SMAD5: variants seen among roughly 807,000 people sequenced by gnomAD.
SMAD5 encodes the protein SMAD family member 5.
A neutral mutation model predicts 43.1 loss-of-function variants in SMAD5; 9 were observed. The ratio of observed to expected loss-of-function variants is 0.21; its 90% CI spans 0.13 to 0.36. SMAD5 has a LOEUF of 0.36. Among genes scored for constraint, SMAD5 ranks in the 10% least tolerant of loss-of-function variants. The probability of loss-of-function intolerance (pLI) is 1.00; values close to 1 mark genes in which losing one functional copy is unlikely to be tolerated. For synonymous variants in SMAD5, 190 were observed against 192.4 expected, an observed-to-expected ratio of 0.99 and a Z score of 0.10; for missense variants, 348 against 574.0, an observed-to-expected ratio of 0.61 and a Z score of 4.02.
chr5:136,149,686 C>T (rs1390562590), intron 2 of SMAD5, among the ~76,000 whole-genome samples: 1 of 151,750 alleles, frequency 6.6e-6, no homozygotes, highest in Non-Finnish European at 1.5e-5. Context: ...GAATTTTTCT[C>T]CTTTTGTAAT....
chr5:136,178,116 C>T lies in SMAD5; in HGVS notation c.*636C>T, dbSNP rs1319309391. ...ATAAGTGTTCTTCAGTGTAATGTGACTTCATGCTATATATCTTTTGTAAGA... is the reference window on the plus strand; with the variant it reads ...ATAAGTGTTCTTCAGTGTAATGTGATTTCATGCTATATATCTTTTGTAAGA... On this transcript the variant is annotated 3_prime_UTR_variant, in exon 8 of 8. Transcript: ENST00000545279. 2 of 152,548 alleles carry T rather than the reference C, an allele frequency of 1.3e-5. No individual in the cohort carries two copies. The highest frequency in any genetic ancestry group is 2.4e-5 in the African/African-American group (1 of 41,414). 9.4% of individuals were successfully genotyped at this position (152,548 alleles called of 1,614,324 possible).
At chr5:136,166,369 T>C (rs547721600) in intron 5 of SMAD5, among the ~76,000 whole-genome samples, 7 of 152,290 alleles carry the variant, frequency 4.6e-5, no homozygotes, top group Non-Finnish European at 7.4e-5. Flanking sequence ...ATGTGTGTTA[T>C]ATTGAGTGCT....
At chr5:136,134,899 A>G (rs961179953) in intron 1 of SMAD5, 1 of 152,240 alleles carries the variant, frequency 6.6e-6, no homozygotes, top group South Asian at 2.1e-4. Flanking sequence ...CATAGCTGAA[A>G]TAAGCAAGAA....
At chr5:136,163,519 G>T in intron 5 of SMAD5, 128 bp downstream of exon 5, 2 of 659,878 alleles carry the variant, frequency 3.0e-6, no homozygotes, top group Non-Finnish European at 4.7e-6. Context: ...TTAAGTGTAT[G>T]ATTCAAAGAT....
intron 3 of SMAD5, 47 bp downstream of exon 3, chr5:136,154,210 CCT>C (rs1753559645): frequency 2.4e-6 from 3 of 1,232,340 alleles, no homozygotes; most frequent in African/African-American, 3.1e-5. Context: ...AAACAAAAAA[CCT>C]CTCTTCCTGA....
intron 6 of SMAD5, chr5:136,172,888 C>CTT (rs752365556): frequency 1.9e-6 from 1 of 512,908 alleles, no homozygotes; most frequent in Non-Finnish European, 3.5e-6. Flanking sequence ...CATACTACCA[C>CTT]TTTGTTTTTT....
At chr5:136,148,968 C>A (rs1209680914) in intron 2 of SMAD5, among the ~76,000 whole-genome samples, 1 of 151,844 alleles carries the variant, frequency 6.6e-6, no homozygotes, top group African/African-American at 2.4e-5. Flanking sequence ...ATATGGTATA[C>A]ATCCATGTCA....
At chr5:136,142,735 C>T (rs1223855486) in intron 1 of SMAD5, among the ~76,000 whole-genome samples, 1 of 152,068 alleles carries the variant, frequency 6.6e-6, no homozygotes, top group African/African-American at 2.4e-5. Flanking sequence ...CAATTATTGG[C>T]TCTCTGTGCT....
chr5:136,135,157 G>C (rs1394160061), intron 1 of SMAD5, among the ~76,000 whole-genome samples: 4 of 152,342 alleles, frequency 2.6e-5, no homozygotes, highest in African/African-American at 7.2e-5. Context: ...ATTAATTTCA[G>C]TGGGAGACAG....
chr5:136,153,083 A>C (rs1345327011), intron 2 of SMAD5, among the ~76,000 whole-genome samples: 1 of 152,132 alleles, frequency 6.6e-6, no homozygotes, highest in Non-Finnish European at 1.5e-5. Context: ...TTTGCATCTA[A>C]TAATGTGACT....
chr5:136,136,491 A>G (rs1008299543), intron 1 of SMAD5, among the ~76,000 whole-genome samples: 2 of 152,136 alleles, frequency 1.3e-5, no homozygotes, highest in Admixed American at 1.3e-4. Context: ...CATACCCTTT[A>G]CCTCTAATCA....
At chr5:136,170,264 A>G (rs10078982) in intron 5 of SMAD5, among the ~76,000 whole-genome samples, 54,266 of 151,988 alleles carry the variant, frequency 0.36, 10,571 homozygotes, top group African/African-American at 0.53. Context: ...AATTTTGTGA[A>G]GAGTGTAAGG....
At chr5:136,140,086 G>A (rs889279185) in intron 1 of SMAD5, among the ~76,000 whole-genome samples, 3 of 147,430 alleles carry the variant, frequency 2.0e-5, no homozygotes, top group Non-Finnish European at 1.5e-5. Context: ...GCAGTGGTAT[G>A]ATCTTGGCTC....
intron 1 of SMAD5, among the ~76,000 whole-genome samples, chr5:136,137,907 C>T (rs762549867): frequency 2.6e-5 from 4 of 152,154 alleles, no homozygotes; most frequent in African/African-American, 4.8e-5. Context: ...TAATATATGT[C>T]GTGTACACAG....
chr5:136,173,943 GT>G (rs562366888), intron 6 of SMAD5, among the ~76,000 whole-genome samples: 2 of 149,938 alleles, frequency 1.3e-5, no homozygotes, highest in Non-Finnish European at 3.0e-5. Context: ...TGTAACTTTG[GT>G]TTTTTTTTAG....
At chr5:136,139,749 G>C (rs1211468121) in intron 1 of SMAD5, among the ~76,000 whole-genome samples, 2 of 152,170 alleles carry the variant, frequency 1.3e-5, no homozygotes, top group African/African-American at 2.4e-5. Flanking sequence ...AGGCTGGAGT[G>C]CAGTGGCATG....
At position 136,161,087 on chromosome 5, in the gene SMAD5, G is replaced by A. The variant is rs1204747625; in HGVS notation, c.635G>A (p.Gly212Glu). Reference protein sequence around the residue: ...YPNSPASSGPGSPFQLPADTP... With the variant: ...YPNSPASSGPESPFQLPADTP... Reference sequence around the variant, plus strand: ...AACTCCCCAGCAAGTTCTGGACCAGGAAGTCCATTTCAGCTCCCAGGTAAG... The same window carrying A: ...AACTCCCCAGCAAGTTCTGGACCAGAAAGTCCATTTCAGCTCCCAGGTAAG... The change falls in exon 4 of 8, where the codon GGA becomes GAA. Residue 212 changes from glycine (G) to glutamate (E), a missense_variant. Around this residue, in one of 5 missense-constraint regions of SMAD5, gnomAD observed 185 missense variants for 207.0 expected, o/e 0.89. Coordinates refer to ENST00000545279, the MANE Select transcript of SMAD5 (RefSeq NM_005903.7). The A allele has an allele frequency of 6.2e-7, 1 of 1,612,848 alleles. No individual in the cohort carries two copies. Among genetic ancestry groups the A allele is most frequent in the Non-Finnish European group, 8.5e-7 (1 of 1,179,764 alleles).
intron 3 of SMAD5, among the ~76,000 whole-genome samples, chr5:136,156,781 C>G (rs1320503737): frequency 6.6e-6 from 1 of 152,152 alleles, no homozygotes; most frequent in East Asian, 1.9e-4. Context: ...TTTTTCTCAG[C>G]TATGATTCAT....
At chr5:136,165,347 G>C (rs541058909) in intron 5 of SMAD5, among the ~76,000 whole-genome samples, 2 of 151,974 alleles carry the variant, frequency 1.3e-5, no homozygotes, top group Non-Finnish European at 2.9e-5. Flanking sequence ...GAGTCTTACA[G>C]TGTTGCCCAG....
Sources: gnomAD v4.1 joint callset for allele counts (sites outside exome capture counted in the v4.1 genomes callset) on GRCh38, gnomAD v4.1.1 for gene constraint, gnomAD v4.1.1 regional missense constraint, MANE v1.5 for transcripts, NCBI Gene and HGNC (gene_info 2026-07-23, HGNC 2026-07-21) for gene names.